ANGPT1: variants seen among roughly 807,000 people sequenced by gnomAD.
ANGPT1 encodes angiopoietin-1.
In ANGPT1, 17 loss-of-function variants were observed where a neutral mutation model predicts 62.2. The observed-to-expected ratio is 0.27, with a 90% confidence interval of 0.19 to 0.41. ANGPT1 has a LOEUF of 0.41. ANGPT1 is among the 10% of genes least tolerant of loss of function. The pLI, the probability that ANGPT1 is intolerant of heterozygous loss-of-function variation, is 1.00. For synonymous variants in ANGPT1, 199 were observed against 198.9 expected (o/e 1.00, Z 0.00); for missense variants, 478 against 594.9 (o/e 0.80, Z 2.04).
intron 1 of ANGPT1, among the ~76,000 whole-genome samples, chr8:107,476,593 A>T (rs562657136): frequency 6.7e-4 from 102 of 152,098 alleles, no homozygotes; most frequent in Non-Finnish European, 1.1e-3. Flanking sequence ...ATAATAATAA[A>T]TAAATAAATA....
chr8:107,484,212 G>A (rs1289067109), intron 1 of ANGPT1, among the ~76,000 whole-genome samples: 3 of 152,056 alleles, frequency 2.0e-5, no homozygotes, highest in Non-Finnish European at 4.4e-5. Flanking sequence ...TCAGAGTATG[G>A]GTTCAAATTC....
chr8:107,325,369 T>TGTAAAA (rs1815262690), intron 3 of ANGPT1, among the ~76,000 whole-genome samples: 2 of 152,338 alleles, frequency 1.3e-5, no homozygotes, highest in African/African-American at 4.8e-5. Flanking sequence ...AGTTGTTAAC[T>TGTAAAA]TATAAGAAAA....
chr8:107,434,789 A>C (rs941997410), intron 1 of ANGPT1, among the ~76,000 whole-genome samples: 4 of 152,180 alleles, frequency 2.6e-5, no homozygotes, highest in Non-Finnish European at 5.9e-5. Context: ...AAGTTTAGAA[A>C]ATAATTATTT....
chr8:107,433,199 C>T (rs1415630167), intron 1 of ANGPT1, among the ~76,000 whole-genome samples: 2 of 151,990 alleles, frequency 1.3e-5, no homozygotes, highest in African/African-American at 4.8e-5. Context: ...TAATGAGTCC[C>T]AAAATATAGA....
At chr8:107,400,092 T>C (rs894238153) in intron 1 of ANGPT1, among the ~76,000 whole-genome samples, 2 of 152,172 alleles carry the variant, frequency 1.3e-5, no homozygotes, top group Non-Finnish European at 2.9e-5. Context: ...TTCCAAACTC[T>C]TTTTCTGAGG....
At chr8:107,463,742 C>T (rs939850730) in intron 1 of ANGPT1, among the ~76,000 whole-genome samples, 5 of 151,884 alleles carry the variant, frequency 3.3e-5, no homozygotes, top group Admixed American at 3.3e-4. Context: ...ATTTAGGGTA[C>T]TCATATATAA....
chr8:107,351,497 A>G (rs893200954), intron 1 of ANGPT1, among the ~76,000 whole-genome samples: 2 of 152,014 alleles, frequency 1.3e-5, no homozygotes, highest in African/African-American at 2.4e-5. Context: ...GGTTGGCTGG[A>G]TGATTAGTTG....
intron 7 of ANGPT1, among the ~76,000 whole-genome samples, chr8:107,270,772 G>A (rs1028152648): frequency 3.3e-5 from 5 of 151,848 alleles, no homozygotes; most frequent in Admixed American, 6.6e-5. Context: ...ATACACTTAC[G>A]AAAAAGTGAG....
At chr8:107,409,622 A>G (rs1817218917) in intron 1 of ANGPT1, among the ~76,000 whole-genome samples, 1 of 151,918 alleles carries the variant, frequency 6.6e-6, no homozygotes, top group Non-Finnish European at 1.5e-5. Context: ...TCATAGACAG[A>G]CTCTCTAAAC....
At chr8:107,388,732 G>A (rs973410672) in intron 1 of ANGPT1, among the ~76,000 whole-genome samples, 3 of 152,122 alleles carry the variant, frequency 2.0e-5, no homozygotes, top group Non-Finnish European at 4.4e-5. Flanking sequence ...TCCTGGCAGA[G>A]ATTAGTGGCA....
chr8:107,283,630 G>A (rs1814068724), intron 7 of ANGPT1, among the ~76,000 whole-genome samples: 1 of 152,098 alleles, frequency 6.6e-6, no homozygotes, highest in African/African-American at 2.4e-5. Flanking sequence ...GCAAGGGTTG[G>A]GTTGCTATTG....
At chr8:107,294,090 T>C in intron 5 of ANGPT1, 53 bp from the exon 6 acceptor site, 2 of 1,436,250 alleles carry the variant, frequency 1.4e-6, no homozygotes, top group Admixed American at 3.5e-5. Flanking sequence ...TTAAAAAACA[T>C]ATATCCTACA....
chr8:107,497,543 A>G lies in ANGPT1; in HGVS notation c.16T>C (p.Ser6Pro), dbSNP rs771690895. The change falls in exon 1 of 9, where the codon TCC (serine) becomes CCC (proline). Residue 6 changes from serine (S) to proline (P), a missense_variant. Physicochemically the swap from Ser to Pro is moderately conservative, Grantham distance 74. Coordinates refer to ENST00000517746, the MANE Select transcript of ANGPT1 (RefSeq NM_001146.5). ...AGAATGGCAGCGAGGAAAGCAAAGG[A>G]AAGGAAAACTGTCATTGTACTGCCA... MTVFL[S>P]FAFLAAILTH... 6 of 1,613,842 alleles carry G rather than the reference A, an allele frequency of 3.7e-6. No individual in the cohort carries two copies. Among genetic ancestry groups the G allele is most frequent in the Non-Finnish European group, 4.2e-6 (5 of 1,179,926 alleles).
intron 7 of ANGPT1, among the ~76,000 whole-genome samples, chr8:107,269,313 TAA>T (rs140945926): frequency 6.9e-6 from 1 of 145,438 alleles, no homozygotes; most frequent in Non-Finnish European, 1.5e-5. Context: ...TAATTAGATT[TAA>T]AAAAAAAAAA....
At chr8:107,271,443 A>C (rs2130070774) in intron 7 of ANGPT1, among the ~76,000 whole-genome samples, 1 of 152,216 alleles carries the variant, frequency 6.6e-6, no homozygotes, top group Admixed American at 6.6e-5. Context: ...GGAATGACTA[A>C]GGCTAAATTA....
chr8:107,469,277 C>T (rs1224991133), intron 1 of ANGPT1, among the ~76,000 whole-genome samples: 1 of 151,898 alleles, frequency 6.6e-6, no homozygotes, highest in Non-Finnish European at 1.5e-5. Context: ...TTCTCATTGT[C>T]CTGTGTATCT....
At chr8:107,476,831 T>A (rs745806426) in intron 1 of ANGPT1, among the ~76,000 whole-genome samples, 1 of 152,224 alleles carries the variant, frequency 6.6e-6, no homozygotes, top group Non-Finnish European at 1.5e-5. Flanking sequence ...CCTAGTATTA[T>A]CTTTGATGAA....
Position 107,303,360 on chromosome 8 carries a change from T to C in ANGPT1, c.816A>G (p.Leu272=), listed in dbSNP as rs746403903. Residue 272 remains leucine (L), a synonymous_variant, in exon 5 of 9, where the codon CTA becomes CTG. Transcript: ENST00000517746. ...TCTCTTCCTCTCTTTTTCCTCCCTT[T>C]AGTAAAACTGCAAAAAAAAAAAAAA... The part of the protein sequence containing the change: ...VNLCTKEGVL[L]KGGKREEEKP... 16 of 1,565,988 alleles carry C rather than the reference T, an allele frequency of 1.0e-5. No homozygotes were observed. Among genetic ancestry groups the C allele is most frequent in the South Asian group, 7.1e-5 (6 of 84,436 alleles).
At chr8:107,397,700 A>C (rs982279511) in intron 1 of ANGPT1, among the ~76,000 whole-genome samples, 1 of 151,968 alleles carries the variant, frequency 6.6e-6, no homozygotes, top group African/African-American at 2.4e-5. Context: ...CAGCAAGTCA[A>C]CTCTTCATAC....
Sources: allele counts gnomAD v4.1 joint callset (sites outside exome capture counted in the v4.1 genomes callset), GRCh38; gene constraint gnomAD v4.1.1; transcripts MANE v1.5; gene names NCBI Gene and HGNC (gene_info 2026-07-23, HGNC 2026-07-21).